The following PLEKHM3 variants were observed in gnomAD, a reference collection of about 807,000 sequenced individuals.
The protein encoded by PLEKHM3 is pleckstrin homology domain containing M3.
Under a neutral mutation model 81.8 loss-of-function variants are expected in PLEKHM3, and 45 were observed. The ratio of observed to expected loss-of-function variants is 0.55; its 90% CI spans 0.43 to 0.71. PLEKHM3 has a LOEUF of 0.71. PLEKHM3 is among the 30% of genes least tolerant of loss of function. The pLI is 0.00. For missense variants in PLEKHM3, 788 were observed against 924.3 expected (o/e 0.85, Z 1.91); for synonymous variants, 352 against 356.4 (o/e 0.99, Z 0.14).
At chr2:207,941,165 A>G (rs1689927357) in intron 4 of PLEKHM3, among the ~76,000 whole-genome samples, 1 of 152,198 alleles carries the variant, frequency 6.6e-6, no homozygotes, top group Non-Finnish European at 1.5e-5. Context: ...CAACGATTCC[A>G]GGTAGGTGAC....
At chr2:207,904,619 G>A (rs74667437) in intron 6 of PLEKHM3, among the ~76,000 whole-genome samples, 6,829 of 152,264 alleles carry the variant, frequency 0.045, 501 homozygotes, top group African/African-American at 0.15. Flanking sequence ...GCAGGAGACA[G>A]TCGTTCCCAG....
At chr2:208,002,657 T>C (rs1181755688) in intron 1 of PLEKHM3, among the ~76,000 whole-genome samples, 1 of 152,102 alleles carries the variant, frequency 6.6e-6, no homozygotes, top group East Asian at 1.9e-4. Context: ...CTTTTCTGTC[T>C]ACAGAACTCA....
chr2:207,830,362 T>C (rs1395345019), intron 7 of PLEKHM3, among the ~76,000 whole-genome samples: 3 of 151,910 alleles, frequency 2.0e-5, no homozygotes, highest in South Asian at 2.1e-4. Context: ...GCCTGTAATC[T>C]CAGCACTTTG....
At chr2:207,835,945 TG>T in intron 7 of PLEKHM3, among the ~76,000 whole-genome samples, 1 of 152,272 alleles carries the variant, frequency 6.6e-6, no homozygotes, top group East Asian at 1.9e-4. Context: ...AATATGTTTG[TG>T]TTTTAACTGT....
Position 208,001,669 on chromosome 2 carries a change from T to C in PLEKHM3, c.-30A>G, listed in dbSNP as rs200610310. On this transcript the variant is annotated 5_prime_UTR_variant, in exon 2 of 8. An upstream open reading frame in the 5' UTR loses its in-frame stop. Coordinates refer to ENST00000427836, the MANE Select transcript of PLEKHM3 (RefSeq NM_001080475.3). ...CAGGCTCCAGGAGGCCTTAGCCTCC[T>C]AAGCTGGTTCCAGAAATGGCTTCAT... 1.6e-3 allele frequency: 2,538 copies of C among 1,579,362 alleles called. No homozygotes were observed. Among genetic ancestry groups the C allele is most frequent in the Non-Finnish European group, 2.1e-3 (2,411 of 1,166,574 alleles).
rs1691302509 is a variant in PLEKHM3, at chr2:207,976,136, C to T, written c.1546+515G>A. On this transcript the variant is annotated intron_variant, in intron 3 of 7. Coordinates refer to ENST00000427836, the MANE Select transcript of PLEKHM3 (RefSeq NM_001080475.3). The surrounding 1 kb of genome is among the most constrained non-coding windows in gnomAD (Gnocchi z 4.1). ...ATCATTTACTCCGCTTTTAGCCACCCCCACATTTTCTGTCAAGACTGATTT... is the reference window on the plus strand; with the variant it reads ...ATCATTTACTCCGCTTTTAGCCACCTCCACATTTTCTGTCAAGACTGATTT... Among the ~76,000 whole-genome samples, 1 of 152,136 alleles carries T rather than the reference C, an allele frequency of 6.6e-6. No individual in the cohort carries two copies. The highest frequency in any genetic ancestry group is 2.1e-4 in the South Asian group (1 of 4,832).
At chr2:208,014,333 A>G (rs1003490325) in intron 1 of PLEKHM3, among the ~76,000 whole-genome samples, 15 of 152,250 alleles carry the variant, frequency 9.9e-5, no homozygotes, top group Admixed American at 6.5e-5. Context: ...AAAAGCTTAT[A>G]AGGTATGAAG....
chr2:207,978,908 A>AT lies in PLEKHM3; in HGVS notation c.611-1323dup, dbSNP rs1402574737. ...TCTGAACAAATAAAATAAGTCTTAA[A>AT]TTTTTTTTAAGGCTGTCTTTCCTGC... On this transcript the variant is annotated intron_variant, in intron 2 of 7. Coordinates refer to ENST00000427836, the MANE Select transcript of PLEKHM3 (RefSeq NM_001080475.3). Among the ~76,000 whole-genome samples the AT allele has an allele frequency of 7.2e-5, 11 of 152,200 alleles. No homozygotes were observed. In the East Asian group the frequency reaches 1.7e-3, roughly 24 times the overall value.
At chr2:207,988,367 C>CA (rs1691793542) in intron 2 of PLEKHM3, among the ~76,000 whole-genome samples, 1 of 152,196 alleles carries the variant, frequency 6.6e-6, no homozygotes, top group Non-Finnish European at 1.5e-5. Context: ...ACCTGAGTCT[C>CA]AGTTTCCTCA....
At chr2:207,974,803 T>G (rs985091454) in intron 3 of PLEKHM3, among the ~76,000 whole-genome samples, 2 of 152,044 alleles carry the variant, frequency 1.3e-5, no homozygotes, top group Non-Finnish European at 1.5e-5. Context: ...CTTTCATACC[T>G]ACAGATACAT....
chr2:207,949,483 T>C (rs1690258838), intron 3 of PLEKHM3, among the ~76,000 whole-genome samples: 2 of 152,300 alleles, frequency 1.3e-5, no homozygotes, highest in South Asian at 4.1e-4. Context: ...AAGGCTGCAG[T>C]GAGCTGTGAT....
intron 5 of PLEKHM3, among the ~76,000 whole-genome samples, chr2:207,914,759 A>T (rs1003517065): frequency 6.6e-6 from 1 of 152,094 alleles, no homozygotes; most frequent in African/African-American, 2.4e-5. Context: ...ACCAAAAGCC[A>T]CAAACTAACT....
chr2:207,879,591 G>A (rs530659627), intron 6 of PLEKHM3, among the ~76,000 whole-genome samples: 1 of 152,328 alleles, frequency 6.6e-6, no homozygotes, highest in Non-Finnish European at 1.5e-5. Flanking sequence ...ACCGGGTTAT[G>A]GCCTAATGGC....
chr2:207,975,997 T>C (rs963889969), intron 3 of PLEKHM3, among the ~76,000 whole-genome samples: 1 of 151,516 alleles, frequency 6.6e-6, no homozygotes, highest in East Asian at 1.9e-4. Context: ...CAAAATAAGA[T>C]TGTTGACCTC....
At chr2:207,988,721 C>T (rs940208453) in intron 2 of PLEKHM3, among the ~76,000 whole-genome samples, 1 of 152,186 alleles carries the variant, frequency 6.6e-6, no homozygotes, top group Non-Finnish European at 1.5e-5. Flanking sequence ...TATGGCTGAA[C>T]CCGTCTTCTT....
At chr2:207,885,989 A>G (rs6754141) in intron 6 of PLEKHM3, among the ~76,000 whole-genome samples, 8,725 of 152,224 alleles carry the variant, frequency 0.057, 828 homozygotes, top group African/African-American at 0.2. Context: ...AGAGTGACTG[A>G]ACAGTGGCAC....
intron 5 of PLEKHM3, among the ~76,000 whole-genome samples, chr2:207,922,186 G>T (rs1352903148): frequency 6.6e-6 from 1 of 152,098 alleles, no homozygotes; most frequent in Non-Finnish European, 1.5e-5. Flanking sequence ...TCTAACTGGG[G>T]TGAGATGATA....
At chr2:207,906,871 C>T (rs976816873) in intron 6 of PLEKHM3, among the ~76,000 whole-genome samples, 10 of 152,088 alleles carry the variant, frequency 6.6e-5, no homozygotes, top group East Asian at 5.8e-4. Flanking sequence ...AACTAAAAGA[C>T]ACAAAAAATC....
chr2:207,983,871 T>C (rs986745392), intron 2 of PLEKHM3, among the ~76,000 whole-genome samples: 5 of 152,212 alleles, frequency 3.3e-5, no homozygotes, highest in Non-Finnish European at 5.9e-5. Context: ...TCCATCCTCA[T>C]GGCCACCTTC....
Sources: allele counts gnomAD v4.1 joint callset (sites outside exome capture counted in the v4.1 genomes callset), GRCh38; gene constraint gnomAD v4.1.1; non-coding constraint Gnocchi (gnomAD v3.1); transcripts MANE v1.5; gene names NCBI Gene and HGNC (gene_info 2026-07-23, HGNC 2026-07-21).